Variants in APC observed in about 807,000 individuals in gnomAD.
APC encodes the protein adenomatous polyposis coli protein.
APC carries 72 observed loss-of-function variants against 247.0 expected under a neutral mutation model. The ratio of observed to expected loss-of-function variants is 0.29; its 90% CI spans 0.24 to 0.35. The LOEUF (loss-of-function observed/expected upper bound fraction) is 0.35. APC is among the 10% of genes least tolerant of loss of function. The pLI, the probability that APC is intolerant of heterozygous loss-of-function variation, is 1.00. For missense variants in APC, 3,400 were observed against 3,360.7 expected, an observed-to-expected ratio of 1.01 and a Z score of -0.29; for synonymous variants, 1,254 against 1,162.5, an observed-to-expected ratio of 1.08 and a Z score of -1.60.
chr5:112,724,959 C>T (rs908509887), intron 1 of APC, among the ~76,000 whole-genome samples: 65 of 152,084 alleles, frequency 4.3e-4, no homozygotes, highest in African/African-American at 1.4e-3. Context: ...GTCTTTCTAA[C>T]AGCTGGCAAT....
intron 4 of APC, among the ~76,000 whole-genome samples, chr5:112,773,390 T>G (rs921397493): frequency 6.6e-6 from 1 of 152,070 alleles, no homozygotes; most frequent in Non-Finnish European, 1.5e-5. Context: ...TGCATGGAAA[T>G]CAAAATTTTC....
chr5:112,732,970 C>G (rs986808686), upstream of APC, among the ~76,000 whole-genome samples: 1 of 152,122 alleles, frequency 6.6e-6, no homozygotes, highest in African/African-American at 2.4e-5. Context: ...GTCAGTTATT[C>G]CCATTTTATA....
At chr5:112,760,657 T>A (rs1755546283) in intron 2 of APC, among the ~76,000 whole-genome samples, 1 of 152,180 alleles carries the variant, frequency 6.6e-6, no homozygotes, top group Non-Finnish European at 1.5e-5. Context: ...TCAAGATAAA[T>A]GTCAGATTTT....
rs191320256 is a variant in APC at position 112,835,274 on chromosome 5, A to G, written c.1958+109A>G. ...TCATGAAAGTTTTAAGCCAAAATAT[A>G]TTTATTACTGTGAAAAGATAACTAC... On this transcript the variant is annotated intron_variant, in intron 15 of 15. Transcript: ENST00000257430. 4.3e-4 allele frequency: 405 copies of G among 947,914 alleles called. No homozygotes were observed. In the East Asian group the frequency reaches 8.6e-3, roughly 20 times the overall value. 58.7% of individuals were successfully genotyped at this position (947,914 alleles called of 1,614,324 possible). A position where few individuals can be genotyped will look rare whatever the true frequency, so the allele number is the denominator to read the frequency against.
chr5:112,710,432 T>C (rs1750782179), intron 1 of APC, among the ~76,000 whole-genome samples: 1 of 152,190 alleles, frequency 6.6e-6, no homozygotes, highest in Admixed American at 6.5e-5. Context: ...GAAATGACCT[T>C]CTTTCTTTTC....
intron 1 of APC, among the ~76,000 whole-genome samples, chr5:112,750,851 A>G (rs376774276): frequency 1.3e-5 from 2 of 152,186 alleles, no homozygotes; most frequent in Non-Finnish European, 2.9e-5. Context: ...TGTTTTTCAA[A>G]CATTTAAATC....
intron 11 of APC, among the ~76,000 whole-genome samples, chr5:112,822,939 C>T (rs950472459): frequency 1.3e-5 from 2 of 152,192 alleles, no homozygotes; most frequent in Non-Finnish European, 2.9e-5. Context: ...TTGGGAGGCT[C>T]TGCACCTTAA....
Position 112,843,215 on chromosome 5 carries a change from A to G in APC, c.7621A>G (p.Ile2541Val), listed in dbSNP as rs587778033. 145 of 1,613,724 alleles carry G rather than the reference A, an allele frequency of 9.0e-5. No individual in the cohort carries two copies. The highest frequency in any genetic ancestry group is 1.3e-4 in the African/African-American group (10 of 74,894). Residue 2541 changes from isoleucine (I) to valine (V), a missense_variant, in exon 16 of 16, where the codon ATC becomes GTC. Physicochemically the swap from Ile to Val is conservative, Grantham distance 29. This residue lies in a region of APC where 1,788 missense variants were observed against 1,649.5 expected (regional missense o/e 1.08). Coordinates refer to ENST00000257430, the MANE Select transcript of APC (RefSeq NM_000038.6). The surrounding 1 kb of genome is among the most constrained non-coding windows in gnomAD (Gnocchi z 4.8). ...SHSESPSRLP[I>V]NRSGTWKREH... is the part of the protein sequence containing the mutation. ...TTCTGAAAGTCCTTCTAGACTTCCA[A>G]TCAATAGGTCAGGAACCTGGAAACG... is the stretch of plus-strand genomic sequence containing the variant.
chr5:112,745,496 C>T (rs1023338414), intron 1 of APC, among the ~76,000 whole-genome samples: 33 of 151,654 alleles, frequency 2.2e-4, no homozygotes, highest in African/African-American at 6.8e-4. Context: ...AAGGATGAAA[C>T]GAATAAGTGA....
At chr5:112,786,188 C>G (rs1758930357) in intron 6 of APC, among the ~76,000 whole-genome samples, 1 of 152,160 alleles carries the variant, frequency 6.6e-6, no homozygotes. Context: ...TCAAACGGCT[C>G]TAGCAACCCT....
intron 1 of APC, among the ~76,000 whole-genome samples, 160 bp downstream of exon 1, chr5:112,738,085 A>C (rs1043308182): frequency 6.6e-6 from 1 of 152,120 alleles, no homozygotes; most frequent in African/African-American, 2.4e-5. Context: ...CCCCCACTGC[A>C]GCACTGGAGA....
At chr5:112,710,570 G>C (rs752331137) in intron 1 of APC, among the ~76,000 whole-genome samples, 7 of 152,156 alleles carry the variant, frequency 4.6e-5, no homozygotes, top group Middle Eastern at 3.4e-3. Flanking sequence ...ATAGATGCTT[G>C]TATCTTCTGC....
intron 6 of APC, among the ~76,000 whole-genome samples, chr5:112,788,081 C>A (rs569227309): frequency 6.6e-6 from 1 of 152,122 alleles, no homozygotes; most frequent in Non-Finnish European, 1.5e-5. Context: ...TGAGTAATGT[C>A]ATCTCTTATC....
intron 1 of APC, among the ~76,000 whole-genome samples, chr5:112,743,088 T>C (rs1198379312): frequency 6.6e-6 from 1 of 152,210 alleles, no homozygotes; most frequent in Admixed American, 6.5e-5. Flanking sequence ...AGAATCCATT[T>C]TCTTGCTTTT....
rs587778037 is a variant in APC at position 112,843,426 on chromosome 5, C to A, written c.7832C>A (p.Thr2611Lys). 6 of 1,613,106 alleles carry A rather than the reference C, an allele frequency of 3.7e-6. No individual in the cohort carries two copies. The African/African-American group carries it at 8.0e-5, about 22-fold the overall frequency. Residue 2611 changes from threonine to lysine, a missense_variant, in exon 16 of 16, where the codon ACA becomes AAA. This residue lies in a region of APC where 1,788 missense variants were observed against 1,649.5 expected (regional missense o/e 1.08). Coordinates refer to ENST00000257430, the MANE Select transcript of APC (RefSeq NM_000038.6). The surrounding 1 kb of genome is among the most constrained non-coding windows in gnomAD (Gnocchi z 4.8). ...SKENQVSAKGTWRKIKENEFS... is the reference protein window; with the variant it reads ...SKENQVSAKGKWRKIKENEFS... ...GAAAACCAAGTATCCGCAAAAGGAA[C>A]ATGGAGAAAAATAAAAGAAAATGAA...
At chr5:112,736,930 C>T (rs952204148), upstream of APC, among the ~76,000 whole-genome samples, 25 of 152,000 alleles carry the variant, frequency 1.6e-4, no homozygotes, top group African/African-American at 6.0e-4. Flanking sequence ...ACAAAGAAAA[C>T]TTGAAGTATA....
At chr5:112,780,967 C>T (rs1355869399) in intron 6 of APC, 64 bp downstream of exon 6, 1 of 1,069,396 alleles carries the variant, frequency 9.4e-7, no homozygotes, top group East Asian at 2.6e-5. Flanking sequence ...TGAATTACAG[C>T]TCTGTTAATA....
At chr5:112,797,520 C>G (rs1225315030) in intron 7 of APC, among the ~76,000 whole-genome samples, 1 of 152,136 alleles carries the variant, frequency 6.6e-6, no homozygotes, top group Non-Finnish European at 1.5e-5. Context: ...TTTAAGTCTA[C>G]TAATTATTAC....
In APC at chr5:112,838,366, A is replaced by T. The variant is rs1554084440; in HGVS notation, c.2772A>T (p.Arg924Ser). The T allele has an allele frequency of 4.3e-6, 7 of 1,614,202 alleles. No individual in the cohort carries two copies. Among genetic ancestry groups the T allele is most frequent in the Non-Finnish European group, 5.1e-6 (6 of 1,180,030 alleles). ...CAGATGAGAGAAATGCACTTAGAAG[A>T]AGCTCTGCTGCCCATACACATTCAA... ...CVTDERNALR[R>S]SSAAHTHSNT... is the part of the protein sequence containing the mutation. The change falls in exon 16 of 16, where the codon AGA (arginine) becomes AGT (serine). Residue 924 changes from arginine (R) to serine (S), a missense_variant. By Grantham distance (110) the Arg-to-Ser change is moderately radical. This residue lies in a region of APC where 715 missense variants were observed against 656.6 expected (regional missense o/e 1.09). Coordinates refer to ENST00000257430, the MANE Select transcript of APC (RefSeq NM_000038.6).
Sources: gnomAD v4.1 joint callset for allele counts (sites outside exome capture counted in the v4.1 genomes callset) on GRCh38, gnomAD v4.1.1 for gene constraint, gnomAD v4.1.1 regional missense constraint, Gnocchi (gnomAD v3.1) non-coding constraint, MANE v1.5 for transcripts, NCBI Gene and HGNC (gene_info 2026-07-23, HGNC 2026-07-21) for gene names.